The following SNX6 variants were observed in gnomAD, a reference collection of about 807,000 sequenced individuals.
SNX6 encodes the protein sorting nexin-6.
SNX6 carries 34 observed loss-of-function variants against 63.0 expected under a neutral mutation model. That is an observed-to-expected ratio of 0.54 (90% CI 0.41 to 0.72). SNX6 has a LOEUF of 0.72. SNX6 is among the 30% of genes least tolerant of loss of function. The pLI, the probability that SNX6 is intolerant of heterozygous loss-of-function variation, is 0.00. For missense variants in SNX6, 398 were observed against 471.4 expected, an observed-to-expected ratio of 0.84 and a Z score of 1.44; for synonymous variants, 170 against 164.2, an observed-to-expected ratio of 1.04 and a Z score of -0.27.
At position 34,595,389 on chromosome 14, in the gene SNX6, G is replaced by A. The variant is rs576761379; in HGVS notation, c.612+2161C>T. ...TGACCTCAGGTGATCTGCCTGCCTTGGCCTCCCAAAGTGCTAGGATTATAG... is the reference window on the plus strand; with the variant it reads ...TGACCTCAGGTGATCTGCCTGCCTTAGCCTCCCAAAGTGCTAGGATTATAG... On this transcript the variant is annotated intron_variant, in intron 7 of 13. Coordinates refer to ENST00000362031, the MANE Select transcript of SNX6 (RefSeq NM_152233.4). Among the ~76,000 whole-genome samples the A allele has an allele frequency of 1.2e-4, 19 of 152,180 alleles. 1 individual carries two copies. The South Asian group carries it at 3.9e-3, about 32-fold the overall frequency.
chr14:34,579,742 C>G (rs547108128), intron 10 of SNX6, among the ~76,000 whole-genome samples: 15 of 151,372 alleles, frequency 9.9e-5, no homozygotes, highest in African/African-American at 3.6e-4. Flanking sequence ...AATTCCAGCA[C>G]TTTGCGAGGC....
At position 34,598,503 on chromosome 14, in the gene SNX6, TGCCTCAGCCTCCCGAGTAGC is replaced by T. The variant is rs1882686891; in HGVS notation, c.517-878_517-859del. On this transcript the variant is annotated intron_variant, in intron 6 of 13. Transcript: ENST00000362031. The stretch of plus-strand genomic sequence containing the variant: ...GCCTTCTGGGTTCAAGTAATTTTCC[TGCCTCAGCCTCCCGAGTAGC>T]TGGGACCACAGGCATGTACCATCAT... Among the ~76,000 whole-genome samples, 3 of 152,306 alleles carry T rather than the reference TGCCTCAGCCTCCCGAGTAGC, an allele frequency of 2.0e-5. No individual in the cohort carries two copies. In the South Asian group the frequency reaches 6.2e-4, roughly 32 times the overall value.
intron 13 of SNX6, among the ~76,000 whole-genome samples, chr14:34,566,424 G>A (rs1881185358): frequency 6.6e-6 from 1 of 152,014 alleles, no homozygotes; most frequent in Non-Finnish European, 1.5e-5. Context: ...TGTTGGCCAG[G>A]CTGGTCTTGA....
At chr14:34,617,465 T>C (rs780751792) in intron 2 of SNX6, among the ~76,000 whole-genome samples, 7 of 151,766 alleles carry the variant, frequency 4.6e-5, no homozygotes, top group Non-Finnish European at 8.8e-5. Context: ...CATAGTGAGA[T>C]CGTGTCTCCA....
intron 2 of SNX6, among the ~76,000 whole-genome samples, chr14:34,621,768 A>T (rs927156043): frequency 9.2e-5 from 14 of 151,970 alleles, no homozygotes; most frequent in African/African-American, 3.4e-4. Context: ...TATCTCCTAA[A>T]CATCTCTTTA....
intron 5 of SNX6, among the ~76,000 whole-genome samples, 175 bp from the exon 6 acceptor site, chr14:34,603,646 C>G (rs1225163006): frequency 6.6e-6 from 1 of 151,964 alleles, no homozygotes; most frequent in Non-Finnish European, 1.5e-5. Context: ...ACATAAAACC[C>G]AGCTTTGAAA....
Position 34,570,043 on chromosome 14 carries a change from CTTA to C in SNX6, c.922-2033_922-2031del, listed in dbSNP as rs1440203571. Among the ~76,000 whole-genome samples the C allele has an allele frequency of 2.6e-5, 4 of 151,626 alleles. No individual in the cohort carries two copies. The East Asian group carries it at 7.7e-4, about 29-fold the overall frequency. On this transcript the variant is annotated intron_variant, in intron 11 of 13. Coordinates refer to ENST00000362031, the MANE Select transcript of SNX6 (RefSeq NM_152233.4). ...TTTGTCACTCACATCCTTGCCAACACTTATTTTGTTTTTTTGGGGTTTTTTTTT... is the reference window on the plus strand; with the variant it reads ...TTTGTCACTCACATCCTTGCCAACACTTTTGTTTTTTTGGGGTTTTTTTTT...
intron 8 of SNX6, among the ~76,000 whole-genome samples, chr14:34,586,582 C>T (rs1882165276): frequency 6.6e-6 from 1 of 152,066 alleles, no homozygotes; most frequent in African/African-American, 2.4e-5. Flanking sequence ...GTTGCACATG[C>T]CTGTAATCCC....
intron 2 of SNX6, among the ~76,000 whole-genome samples, chr14:34,619,346 C>T (rs563630284): frequency 1.3e-5 from 2 of 152,076 alleles, no homozygotes; most frequent in South Asian, 2.1e-4. Flanking sequence ...CACTTGAACC[C>T]AGGAGGTGGA....
intron 10 of SNX6, among the ~76,000 whole-genome samples, 156 bp downstream of exon 10, chr14:34,581,405 G>A (rs1566471135): frequency 6.6e-6 from 1 of 152,186 alleles, no homozygotes; most frequent in Non-Finnish European, 1.5e-5. Context: ...GCCCCACTTG[G>A]CCTCCCAAAG....
intron 6 of SNX6, among the ~76,000 whole-genome samples, chr14:34,602,799 A>AC (rs1409692400): frequency 1.3e-5 from 2 of 150,020 alleles, no homozygotes; most frequent in Non-Finnish European, 3.0e-5. Context: ...ACACAGTGAA[A>AC]CCCCGTCTCT....
intron 11 of SNX6, among the ~76,000 whole-genome samples, chr14:34,569,549 C>T: frequency 6.6e-6 from 1 of 152,074 alleles, no homozygotes; most frequent in Non-Finnish European, 1.5e-5. Flanking sequence ...GCCTCAGCCT[C>T]CTGAGTAGCT....
At chr14:34,568,770 C>T (rs878944698) in intron 11 of SNX6, 1 of 919,316 alleles carries the variant, frequency 1.1e-6, no homozygotes, top group Non-Finnish European at 1.8e-6. Context: ...GTTTGCGGCC[C>T]CCATCTTGGT....
At chr14:34,587,853 C>T (rs1417509802) in intron 8 of SNX6, among the ~76,000 whole-genome samples, 1 of 149,086 alleles carries the variant, frequency 6.7e-6, no homozygotes, top group Non-Finnish European at 1.5e-5. Flanking sequence ...CTCTGCCACC[C>T]AGGCTGGAGT....
intron 5 of SNX6, 75 bp downstream of exon 5, chr14:34,605,521 G>A: frequency 8.0e-7 from 1 of 1,253,460 alleles, no homozygotes. Flanking sequence ...ACCAAAAAAG[G>A]CATTAAAGCA....
At chr14:34,601,994 C>T (rs1882833852) in intron 6 of SNX6, among the ~76,000 whole-genome samples, 1 of 151,978 alleles carries the variant, frequency 6.6e-6, no homozygotes, top group African/African-American at 2.4e-5. Flanking sequence ...CTTAAACTAC[C>T]TTGAAAAATA....
chr14:34,615,382 TG>T (rs534815125), intron 2 of SNX6, among the ~76,000 whole-genome samples: 51 of 152,218 alleles, frequency 3.4e-4, no homozygotes, highest in Admixed American at 9.2e-4. Context: ...CCACCACATC[TG>T]GCTAATTATT....
Position 34,575,382 on chromosome 14 carries a change from T to A in SNX6, c.921+374A>T, listed in dbSNP as rs559405784. Among the ~76,000 whole-genome samples the A allele has an allele frequency of 9.2e-5, 14 of 152,170 alleles. No homozygotes were observed. In the South Asian group the frequency reaches 2.5e-3, roughly 27 times the overall value. The stretch of plus-strand genomic sequence containing the variant: ...TGCCAGCTAATTTTTGTATTTTTAG[T>A]AGAGACAGGGTTTCATCATGCTAGC... On this transcript the variant is annotated intron_variant, in intron 11 of 13. Coordinates refer to ENST00000362031, the MANE Select transcript of SNX6 (RefSeq NM_152233.4).
At position 34,601,332 on chromosome 14, in the gene SNX6, T is replaced by G. The variant is rs554813313; in HGVS notation, c.516+2016A>C. Among the ~76,000 whole-genome samples the G allele has an allele frequency of 7.3e-4, 111 of 151,914 alleles. 1 individual carries two copies. The highest frequency in any genetic ancestry group is 2.4e-3 in the African/African-American group (100 of 41,396). On this transcript the variant is annotated intron_variant, in intron 6 of 13. Transcript: ENST00000362031. ...CCTCCGCCTCCCGGGGTCAAGCGAT[T>G]CTCTTGCCTCAGTCTCCCGAGTAGC...
Sources: gnomAD v4.1 joint callset for allele counts (sites outside exome capture counted in the v4.1 genomes callset) on GRCh38, gnomAD v4.1.1 for gene constraint, MANE v1.5 for transcripts, NCBI Gene and HGNC (gene_info 2026-07-23, HGNC 2026-07-21) for gene names.